The following DMD variants were observed in gnomAD, a reference collection of about 807,000 sequenced individuals.
DMD encodes the protein dystrophin, also known as mutant dystrophin.
Under a neutral mutation model 330.1 loss-of-function variants are expected in DMD, and 63 were observed. The ratio of observed to expected loss-of-function variants is 0.19; its 90% confidence interval spans 0.16 to 0.24. The LOEUF is 0.24. Among genes scored for constraint, DMD ranks in the 10% least tolerant of loss-of-function variants. The pLI is 1.00. For synonymous variants in DMD, 1,223 were observed against 959.8 expected, an observed-to-expected ratio of 1.27 and a Z score of -5.07; for missense variants, 3,344 against 2,684.1, an observed-to-expected ratio of 1.25 and a Z score of -5.43.
chrX:32,100,393 A>G (rs192211078), intron 44 of DMD, among the ~76,000 whole-genome samples: 2,217 of 102,435 alleles, frequency 0.022, 28 homozygotes, highest in Non-Finnish European at 0.034. Context: ...ATATATATGT[A>G]TATATATATA....
chrX:31,606,276 C>T (rs2077607015), intron 55 of DMD, among the ~76,000 whole-genome samples: 2 of 111,706 alleles, frequency 1.8e-5, no homozygotes, highest in South Asian at 3.7e-4. Flanking sequence ...TACCCAGTCT[C>T]GGGCAGTTCT....
intron 51 of DMD, among the ~76,000 whole-genome samples, chrX:31,752,187 C>T (rs969853733): frequency 2.7e-5 from 3 of 112,066 alleles, no homozygotes; most frequent in African/African-American, 9.7e-5. Context: ...AGCCTTTTGC[C>T]ATGTAAGGTA....
intron 62 of DMD, among the ~76,000 whole-genome samples, chrX:31,288,458 T>G (rs963241592): frequency 1.8e-5 from 2 of 111,801 alleles, no homozygotes; most frequent in African/African-American, 6.5e-5. Flanking sequence ...ACGTGCAAGA[T>G]AAAGCTGGTC....
intron 2 of DMD, among the ~76,000 whole-genome samples, chrX:32,878,969 C>A (rs1175852613): frequency 9.6e-6 from 1 of 104,432 alleles, no homozygotes; most frequent in Non-Finnish European, 2.0e-5. Context: ...GACAGCACCA[C>A]TGCACTCTAG....
intron 44 of DMD, among the ~76,000 whole-genome samples, chrX:32,113,208 C>T (rs1238416254): frequency 6.2e-5 from 7 of 112,643 alleles, no homozygotes; most frequent in Non-Finnish European, 9.4e-5. Flanking sequence ...ACCTATGAGA[C>T]GTATCTGTTT....
In DMD at chrX:31,480,554, T is replaced by TTGTGTGTG. The variant is rs60621342; in HGVS notation, c.8548-1459_8548-1452dup. Among the ~76,000 whole-genome samples, 374 of 91,339 alleles carry TTGTGTGTG rather than the reference T, an allele frequency of 4.1e-3. 1 individual carries two copies. The highest frequency in any genetic ancestry group is 5.8e-3 in the Non-Finnish European group (263 of 45,266). The allele number at this position is 91,339 out of a possible 115,157, so 79.3% of individuals were successfully genotyped here. On this transcript the variant is annotated intron_variant, in intron 57 of 78. Transcript: ENST00000357033. Reference sequence around the variant, plus strand: ...GATATTTCACTTGAAATCTCCATGTTTGTGTGTGTGTGTGTGTGTGTGTGT... The same window carrying TTGTGTGTG: ...GATATTTCACTTGAAATCTCCATGTTTGTGTGTGTGTGTGTGTGTGTGTGTGTGTGTGT...
chrX:32,659,078 G>C (rs1473823128), intron 9 of DMD, among the ~76,000 whole-genome samples: 1 of 111,809 alleles, frequency 8.9e-6, no homozygotes, highest in African/African-American at 3.2e-5. Flanking sequence ...TTTATTTAGT[G>C]CAACCCAGAA....
chrX:31,431,331 T>A (rs919599003), intron 60 of DMD, among the ~76,000 whole-genome samples: 1 of 111,935 alleles, frequency 8.9e-6, no homozygotes. Flanking sequence ...CTGAAGTTCA[T>A]GACTATGCTC....
chrX:33,122,645 T>C (rs756859785), intron 1 of DMD, among the ~76,000 whole-genome samples: 24 of 112,598 alleles, frequency 2.1e-4, no homozygotes, highest in Non-Finnish European at 4.3e-4. Context: ...ATAACATGAG[T>C]TTAATTAAAA....
At chrX:32,881,781 T>C (rs1406301825) in intron 2 of DMD, among the ~76,000 whole-genome samples, 1 of 112,077 alleles carries the variant, frequency 8.9e-6, no homozygotes, top group Non-Finnish European at 1.9e-5. Context: ...AGATTTTATC[T>C]TCCTCAGAGC....
chrX:32,250,264 C>T (rs1219415854), intron 43 of DMD, among the ~76,000 whole-genome samples: 6 of 110,700 alleles, frequency 5.4e-5, no homozygotes, highest in African/African-American at 2.0e-4. Context: ...TTTAAAAAAT[C>T]CCACTTCCTC....
At chrX:32,691,178 A>G (rs2063253165) in intron 9 of DMD, among the ~76,000 whole-genome samples, 1 of 110,910 alleles carries the variant, frequency 9.0e-6, no homozygotes, top group Non-Finnish European at 1.9e-5. Flanking sequence ...AGTTATCAAA[A>G]AGACAGCAAC....
At chrX:33,051,714 T>C (rs985025613) in intron 1 of DMD, among the ~76,000 whole-genome samples, 1 of 99,661 alleles carries the variant, frequency 1.0e-5, no homozygotes, top group African/African-American at 3.9e-5. Context: ...AGTGGCACGA[T>C]CTCAACTCAC....
In DMD at chrX:32,250,626, T is replaced by C. The variant is rs1342352327; in HGVS notation, c.6291-33563A>G. Among the ~76,000 whole-genome samples, 3 of 112,033 alleles carry C rather than the reference T, an allele frequency of 2.7e-5. No individual in the cohort carries two copies. The East Asian group carries it at 8.5e-4, about 32-fold the overall frequency. On this transcript the variant is annotated intron_variant, in intron 43 of 78. Transcript: ENST00000357033. ...ACATGACGGAAACAGTGAAAAGCAA[T>C]AGGAGATGGGAGAAGGCATTGCATT...
intron 59 of DMD, among the ~76,000 whole-genome samples, chrX:31,458,163 G>T (rs779848546): frequency 9.0e-6 from 1 of 111,204 alleles, no homozygotes. Flanking sequence ...AGGCTGAAAA[G>T]AAAGTCTTAT....
At chrX:32,290,057 T>C (rs1168556790) in intron 42 of DMD, among the ~76,000 whole-genome samples, 3 of 112,117 alleles carry the variant, frequency 2.7e-5, no homozygotes, top group Non-Finnish European at 5.6e-5. Context: ...CTTCCCAGTC[T>C]CTTCATAGTC....
chrX:33,010,027 T>TATATAC, intron 2 of DMD, among the ~76,000 whole-genome samples: 1 of 44,015 alleles, frequency 2.3e-5, no homozygotes, highest in African/African-American at 5.2e-5. Context: ...CATATGTGTG[T>TATATAC]ACATGTGTAT....
At chrX:32,730,531 G>T (rs1014125055) in intron 7 of DMD, among the ~76,000 whole-genome samples, 1 of 111,808 alleles carries the variant, frequency 8.9e-6, no homozygotes, top group Non-Finnish European at 1.9e-5. Context: ...GTCTTCCTAG[G>T]CAATAGGAAT....
At chrX:31,731,306 G>A (rs143932153) in intron 51 of DMD, among the ~76,000 whole-genome samples, 1,167 of 111,736 alleles carry the variant, frequency 0.01, 19 homozygotes, top group African/African-American at 0.035. Context: ...CAGCTGGAGA[G>A]TACTGAACAA....
Sources: allele counts gnomAD v4.1 joint callset (sites outside exome capture counted in the v4.1 genomes callset), GRCh38; gene constraint gnomAD v4.1.1; transcripts MANE v1.5; gene names NCBI Gene and HGNC (gene_info 2026-07-23, HGNC 2026-07-21).